Variants in FOXN3 observed in about 807,000 individuals in gnomAD.
FOXN3 encodes forkhead box N3, also known as forkhead box protein N3.
Under a neutral mutation model 38.4 loss-of-function variants are expected in FOXN3, and 7 were observed. That is an observed-to-expected ratio of 0.18 (90% confidence interval 0.10 to 0.34). The LOEUF is 0.34. Among genes scored for constraint, FOXN3 ranks in the 10% least tolerant of loss-of-function variants. FOXN3 has a pLI of 1.00. For missense variants in FOXN3, 456 were observed against 613.4 expected, an observed-to-expected ratio of 0.74 and a Z score of 2.71; for synonymous variants, 230 against 242.2, an observed-to-expected ratio of 0.95 and a Z score of 0.47.
intron 1 of FOXN3, among the ~76,000 whole-genome samples, chr14:89,574,786 T>A (rs1895567238): frequency 6.6e-6 from 1 of 152,186 alleles, no homozygotes. Flanking sequence ...GCTCTTAACC[T>A]CCAAGCTTAT....
intron 4 of FOXN3, among the ~76,000 whole-genome samples, chr14:89,189,500 C>T (rs1025246183): frequency 6.6e-6 from 1 of 152,240 alleles, no homozygotes; most frequent in Admixed American, 6.5e-5. Context: ...GGCTGTAACA[C>T]AGCAATGTCC....
intron 1 of FOXN3, among the ~76,000 whole-genome samples, chr14:89,458,459 T>G (rs999744173): frequency 8.5e-5 from 13 of 152,210 alleles, no homozygotes. Context: ...AAACTCAGCA[T>G]GCGGGTAATC....
In FOXN3 at chr14:89,548,043, T is replaced by A. The variant is rs1266378399; in HGVS notation, c.-15+70985A>T. On this transcript the variant is annotated intron_variant, in intron 1 of 6. Coordinates refer to the FOXN3 transcript ENST00000345097. The surrounding 1 kb of genome is among the most constrained non-coding windows in gnomAD (Gnocchi z 4.8). ...CTGGCAAAGGGAAAATACTTTCTCT[T>A]GTTCAAAGACAGCATTCAACACTGG... 6.6e-6 allele frequency among the ~76,000 whole-genome samples: 1 copy of A among 152,204 alleles called. No homozygotes were observed. Among genetic ancestry groups the A allele is most frequent in the Non-Finnish European group, 1.5e-5 (1 of 68,042 alleles).
chr14:89,267,929 C>T (rs1421029092), intron 4 of FOXN3, among the ~76,000 whole-genome samples: 1 of 151,982 alleles, frequency 6.6e-6, no homozygotes, highest in Non-Finnish European at 1.5e-5. Flanking sequence ...ATGGGGATTG[C>T]CTAAAATAGC....
chr14:89,341,740 C>T (rs8005332), intron 3 of FOXN3, among the ~76,000 whole-genome samples: 10 of 152,158 alleles, frequency 6.6e-5, no homozygotes, highest in African/African-American at 2.4e-4. Context: ...ACGTTGTACA[C>T]GGTTGATTTC....
chr14:89,486,319 C>G (rs938524179), intron 1 of FOXN3, among the ~76,000 whole-genome samples: 2 of 152,100 alleles, frequency 1.3e-5, no homozygotes, highest in African/African-American at 2.4e-5. Flanking sequence ...ACGACTCACA[C>G]CAGAATTTTA....
At chr14:89,544,340 C>CTTT (rs796391696) in intron 1 of FOXN3, among the ~76,000 whole-genome samples, 1 of 143,798 alleles carries the variant, frequency 7.0e-6, no homozygotes, top group Non-Finnish European at 1.5e-5. Flanking sequence ...TGTGCTGGGC[C>CTTT]TTTTTTTTTT....
intron 1 of FOXN3, among the ~76,000 whole-genome samples, chr14:89,611,805 CAAAAAA>C (rs56373132): frequency 0.42 from 37,401 of 88,854 alleles, 5,701 homozygotes; most frequent in East Asian, 0.57. Flanking sequence ...GACTCCGTCT[CAAAAAA>C]AAAAAAAAAA....
chr14:89,519,211 G>A (rs913174013), intron 1 of FOXN3, among the ~76,000 whole-genome samples: 10 of 152,104 alleles, frequency 6.6e-5, no homozygotes, highest in Non-Finnish European at 7.4e-5. Context: ...ACTACAAGCC[G>A]GGGAATCCCA....
intron 1 of FOXN3, among the ~76,000 whole-genome samples, chr14:89,445,792 G>A (rs1435838550): frequency 1.3e-5 from 2 of 152,100 alleles, no homozygotes; most frequent in Non-Finnish European, 2.9e-5. Context: ...ACAAGTTTAA[G>A]GAAGATGGCT....
rs1186339518 is a variant in FOXN3 at position 89,511,181 on chromosome 14, C to CT, written c.-14-98692dup. On this transcript the variant is annotated intron_variant, in intron 1 of 6. Transcript: ENST00000345097. ...TCTTTCTTTCTTTCTTTCTTTCTTT[C>CT]TTTCTTTCTTTTCTTTCTTTCTTTT... Among the ~76,000 whole-genome samples the CT allele has an allele frequency of 6.8e-4, 24 of 35,156 alleles. 6 individuals carry two copies. Among genetic ancestry groups the CT allele is most frequent in the Admixed American group, 3.7e-3 (7 of 1,894 alleles). The allele number at this position is 35,156 out of a possible 152,430, so 23.1% of individuals were successfully genotyped here.
chr14:89,413,025 C>T (rs1891581911), intron 1 of FOXN3, among the ~76,000 whole-genome samples: 1 of 152,108 alleles, frequency 6.6e-6, no homozygotes, highest in Non-Finnish European at 1.5e-5. Context: ...TTCAACAAAA[C>T]ATGCCATAGA....
At chr14:89,524,395 AAAAAAAAAGAAAG>A (rs1389543163) in intron 1 of FOXN3, among the ~76,000 whole-genome samples, 4 of 95,984 alleles carry the variant, frequency 4.2e-5, no homozygotes, top group African/African-American at 2.2e-4. Flanking sequence ...AAAAAAAAAA[AAAAAAAAAGAAAG>A]AAAGAAACTA....
At chr14:89,413,647 A>C (rs1256510763) in intron 1 of FOXN3, among the ~76,000 whole-genome samples, 2 of 103,650 alleles carry the variant, frequency 1.9e-5, no homozygotes, top group Non-Finnish European at 4.1e-5. Flanking sequence ...GTTTTGAAGA[A>C]GGTAAGGAAG....
chr14:89,550,515 C>T (rs1894981995), intron 1 of FOXN3, among the ~76,000 whole-genome samples: 1 of 152,132 alleles, frequency 6.6e-6, no homozygotes, highest in African/African-American at 2.4e-5. Flanking sequence ...CAGAGAGAAA[C>T]CAACAGACTC....
chr14:89,327,213 A>C (rs3783858), intron 3 of FOXN3, among the ~76,000 whole-genome samples: 19,088 of 152,164 alleles, frequency 0.13, 1,286 homozygotes, highest in African/African-American at 0.17. Flanking sequence ...TTTATATACA[A>C]AGCAACTGAA....
chr14:89,206,464 G>A (rs1226845382), intron 4 of FOXN3, among the ~76,000 whole-genome samples: 1 of 152,166 alleles, frequency 6.6e-6, no homozygotes, highest in Non-Finnish European at 1.5e-5. Context: ...AAAATATGAT[G>A]AACAGACCCA....
At chr14:89,259,369 AC>A (rs1471706739) in intron 4 of FOXN3, among the ~76,000 whole-genome samples, 1 of 152,186 alleles carries the variant, frequency 6.6e-6, no homozygotes, top group African/African-American at 2.4e-5. Flanking sequence ...TTTAAACCAT[AC>A]AAATGATCAT....
intron 1 of FOXN3, among the ~76,000 whole-genome samples, chr14:89,592,760 G>A (rs1895984267): frequency 6.6e-6 from 1 of 152,080 alleles, no homozygotes; most frequent in Non-Finnish European, 1.5e-5. Context: ...AACACCAAAT[G>A]TAGCAAACCA....
Sources: allele counts gnomAD v4.1 joint callset (sites outside exome capture counted in the v4.1 genomes callset), GRCh38; gene constraint gnomAD v4.1.1; non-coding constraint Gnocchi (gnomAD v3.1); transcripts MANE v1.5; gene names NCBI Gene and HGNC (gene_info 2026-07-23, HGNC 2026-07-21).